Variants in FBN1 observed in about 807,000 individuals in gnomAD.
FBN1 encodes the protein fibrillin 1.
Under a neutral mutation model 365.1 loss-of-function variants are expected in FBN1, and 29 were observed. The observed-to-expected ratio is 0.08, with a 90% CI of 0.06 to 0.11. The LOEUF is 0.11. FBN1 is among the 10% of genes least tolerant of loss of function. The pLI, the probability that FBN1 is intolerant of heterozygous loss-of-function variation, is 1.00. For missense variants in FBN1, 2,476 were observed against 3,703.2 expected, an observed-to-expected ratio of 0.67 and a Z score of 8.60; for synonymous variants, 1,210 against 1,270.5, an observed-to-expected ratio of 0.95 and a Z score of 1.01.
Position 48,450,736 on chromosome 15 carries a change from T to C in FBN1, c.5545+1826A>G, listed in dbSNP as rs189777310. Reference sequence around the variant, plus strand: ...TCTCTCAGCAATAATGTGGGTGCTATGGCCAGGTGTGATTTGGGATTTGAA... The same window carrying C: ...TCTCTCAGCAATAATGTGGGTGCTACGGCCAGGTGTGATTTGGGATTTGAA... On this transcript the variant is annotated intron_variant, in intron 45 of 65. Transcript: ENST00000316623. 4.6e-5 allele frequency among the ~76,000 whole-genome samples: 7 copies of C among 152,330 alleles called. No homozygotes were observed. In the East Asian group the frequency reaches 7.7e-4, roughly 17 times the overall value.
chr15:48,623,178 C>T (rs935341721), intron 2 of FBN1, among the ~76,000 whole-genome samples: 14 of 152,116 alleles, frequency 9.2e-5, no homozygotes, highest in East Asian at 5.8e-4. Flanking sequence ...ATAGTGAGTA[C>T]GAAGTACAAT....
rs969664705 is a variant in FBN1, at chr15:48,510,567, C to T, written c.1589-398G>A. On this transcript the variant is annotated intron_variant, in intron 13 of 65. Coordinates refer to ENST00000316623, the MANE Select transcript of FBN1 (RefSeq NM_000138.5). ...ATTTTATAGCTATCTCAGAACAATA[C>T]AACATATGCTATTTTTTTAAACAAT... Among the ~76,000 whole-genome samples the T allele has an allele frequency of 3.3e-4, 50 of 152,104 alleles. 1 individual carries two copies. Among genetic ancestry groups the T allele is most frequent in the Admixed American group, 2.5e-3 (38 of 15,262 alleles).
intron 6 of FBN1, among the ~76,000 whole-genome samples, chr15:48,584,762 C>T (rs16961201): frequency 0.1 from 15,669 of 152,122 alleles, 2,810 homozygotes; most frequent in African/African-American, 0.36. Context: ...AAAGAATTTT[C>T]GATGGTGATT....
chr15:48,441,631 A>T lies in FBN1; in HGVS notation c.6163+90T>A, dbSNP rs949673546. 9.9e-6 allele frequency: 15 copies of T among 1,516,592 alleles called. No individual in the cohort carries two copies. The Admixed American group carries it at 1.3e-4, about 14-fold the overall frequency. The allele number at this position is 1,516,592 out of a possible 1,614,324, so 93.9% of individuals were successfully genotyped here. On this transcript the variant is annotated intron_variant, in intron 50 of 65. Transcript: ENST00000316623. The stretch of plus-strand genomic sequence containing the variant: ...GAAAACTCTCCATCTTCCTGTTCAC[A>T]AAGAAACAGAGCTTTGCCATGTTTG...
At chr15:48,577,293 T>G (rs1011270105) in intron 6 of FBN1, among the ~76,000 whole-genome samples, 1 of 152,148 alleles carries the variant, frequency 6.6e-6, no homozygotes, top group Admixed American at 6.6e-5. Context: ...GTCACAATAG[T>G]GTTCTCAAGA....
chr15:48,495,015 A>C (rs1031242256), intron 22 of FBN1, 108 bp downstream of exon 22: 70 of 1,347,982 alleles, frequency 5.2e-5, no homozygotes, highest in Non-Finnish European at 7.0e-5. Context: ...TCAGGATTAA[A>C]TCTTTGAAAA....
chr15:48,641,911 C>CATAACA, intron 2 of FBN1: 1 of 152,226 alleles, frequency 6.6e-6, no homozygotes, highest in Middle Eastern at 3.4e-3. Context: ...TTGGGGTTTG[C>CATAACA]TTAAAATCTA....
intron 42 of FBN1, 123 bp downstream of exon 42, chr15:48,462,959 C>G: frequency 1.1e-6 from 1 of 945,404 alleles, no homozygotes; most frequent in Non-Finnish European, 1.7e-6. Flanking sequence ...AATCATGAGC[C>G]GTTTTTTTCC....
At chr15:48,428,747 T>C (rs1372488762) in intron 56 of FBN1, among the ~76,000 whole-genome samples, 6 of 152,228 alleles carry the variant, frequency 3.9e-5, no homozygotes, top group Admixed American at 3.3e-4. Context: ...TTTGGTTTCA[T>C]TGAAAGACTG....
chr15:48,607,154 T>C (rs2044619484), intron 4 of FBN1, among the ~76,000 whole-genome samples: 1 of 152,164 alleles, frequency 6.6e-6, no homozygotes, highest in Admixed American at 6.5e-5. Context: ...AATCTACAAT[T>C]ATCTCAGAAT....
chr15:48,500,970 T>C (rs920121455), intron 17 of FBN1, among the ~76,000 whole-genome samples: 2 of 152,208 alleles, frequency 1.3e-5, no homozygotes, highest in Non-Finnish European at 2.9e-5. Flanking sequence ...CTACCCCCCA[T>C]TCTTGAAATG....
chr15:48,446,905 A>G (rs1161197994), intron 46 of FBN1, 83 bp from the exon 47 acceptor site: 1 of 868,432 alleles, frequency 1.2e-6, no homozygotes, highest in African/African-American at 1.7e-5. Flanking sequence ...AGAGCATTTT[A>G]GGGTTCACCA....
At chr15:48,586,077 G>A (rs770917983) in intron 6 of FBN1, among the ~76,000 whole-genome samples, 1 of 152,120 alleles carries the variant, frequency 6.6e-6, no homozygotes, top group Non-Finnish European at 1.5e-5. Flanking sequence ...TTACCTCTTA[G>A]TAAATATTTA....
At position 48,447,162 on chromosome 15, in the gene FBN1, CTG is replaced by C. The variant is rs1471790081; in HGVS notation, c.5672-342_5672-341del. Reference sequence around the variant, plus strand: ...TTTTCACTTGAAAATGGAAAAAACTCTGTGTGCATCTGGGTCTTGAGGTGTTG... The same window carrying C: ...TTTTCACTTGAAAATGGAAAAAACTCTGTGCATCTGGGTCTTGAGGTGTTG... On this transcript the variant is annotated intron_variant, in intron 46 of 65. Transcript: ENST00000316623. Among the ~76,000 whole-genome samples the C allele has an allele frequency of 2.0e-5, 3 of 152,286 alleles. No homozygotes were observed. The East Asian group carries it at 5.8e-4, about 29-fold the overall frequency.
chr15:48,565,864 T>C (rs10519185), intron 6 of FBN1, among the ~76,000 whole-genome samples: 2,236 of 152,274 alleles, frequency 0.015, 47 homozygotes, highest in African/African-American at 0.044. Context: ...TGTTCTTAAA[T>C]TGAATTGAAT....
intron 54 of FBN1, 122 bp from the exon 55 acceptor site, chr15:48,433,110 A>G (rs1056189564): frequency 5.5e-5 from 56 of 1,022,866 alleles, no homozygotes; most frequent in Non-Finnish European, 8.3e-5. Flanking sequence ...ATAAACATGG[A>G]TGGATCAAGT....
chr15:48,615,195 T>C (rs374040076), intron 2 of FBN1, among the ~76,000 whole-genome samples: 102 of 152,274 alleles, frequency 6.7e-4, no homozygotes, highest in African/African-American at 2.3e-3. Flanking sequence ...CCGCTGGAGA[T>C]AGTCCAATCC....
intron 57 of FBN1, 76 bp downstream of exon 57, chr15:48,428,270 T>C (rs548370875): frequency 1.3e-6 from 2 of 1,557,406 alleles, no homozygotes; most frequent in South Asian, 2.2e-5. Context: ...TCTTGTATTT[T>C]AAATAAGAAG....
chr15:48,599,241 C>T (rs1426150628), intron 5 of FBN1, among the ~76,000 whole-genome samples: 2 of 151,936 alleles, frequency 1.3e-5, no homozygotes, highest in Non-Finnish European at 2.9e-5. Flanking sequence ...ATTAGAAACG[C>T]CCTGAATAAC....
Sources: gnomAD v4.1 joint callset for allele counts (sites outside exome capture counted in the v4.1 genomes callset) on GRCh38, gnomAD v4.1.1 for gene constraint, MANE v1.5 for transcripts, NCBI Gene and HGNC (gene_info 2026-07-23, HGNC 2026-07-21) for gene names.